Variants in PDE1C observed in about 807,000 individuals in gnomAD.
PDE1C encodes phosphodiesterase 1C.
PDE1C carries 62 observed loss-of-function variants against 93.1 expected under a neutral mutation model. The observed-to-expected ratio is 0.67, with a 90% CI of 0.54 to 0.82. The LOEUF is 0.82. Ranked by LOEUF, PDE1C falls within the 40% of genes least tolerant of loss-of-function variation. PDE1C has a pLI of 0.00. For synonymous variants in PDE1C, 325 were observed against 310.1 expected, an observed-to-expected ratio of 1.05 and a Z score of -0.50; for missense variants, 742 against 884.6, an observed-to-expected ratio of 0.84 and a Z score of 2.04.
intron 2 of PDE1C, among the ~76,000 whole-genome samples, chr7:31,942,935 G>A (rs1379264349): frequency 6.6e-6 from 1 of 151,952 alleles, no homozygotes; most frequent in African/African-American, 2.4e-5. Flanking sequence ...GTACCACATG[G>A]GCTACTAGAG....
chr7:32,213,217 T>C (rs1806180791), intron 1 of PDE1C, among the ~76,000 whole-genome samples: 1 of 152,154 alleles, frequency 6.6e-6, no homozygotes, highest in Admixed American at 6.5e-5. Flanking sequence ...TCAGCCCACA[T>C]TTAAAAACCA....
chr7:32,416,956 G>C (rs1785287089), intron 1 of PDE1C, among the ~76,000 whole-genome samples: 1 of 152,162 alleles, frequency 6.6e-6, no homozygotes, highest in South Asian at 2.1e-4. Context: ...GAGGCCCAGA[G>C]TACCGCCACA....
At chr7:32,246,609 T>C (rs1304665192) in intron 1 of PDE1C, among the ~76,000 whole-genome samples, 2 of 152,168 alleles carry the variant, frequency 1.3e-5, no homozygotes, top group African/African-American at 4.8e-5. Context: ...ATCCCTATGA[T>C]GTTCTTTACT....
At chr7:32,304,792 GACTT>G (rs1812957795) in intron 1 of PDE1C, among the ~76,000 whole-genome samples, 1 of 151,884 alleles carries the variant, frequency 6.6e-6, no homozygotes, top group African/African-American at 2.4e-5. Flanking sequence ...GTATGTAAAA[GACTT>G]ACCCTGGACT....
intron 1 of PDE1C, among the ~76,000 whole-genome samples, chr7:32,322,882 G>A (rs1234293731): frequency 6.6e-6 from 1 of 152,060 alleles, no homozygotes; most frequent in African/African-American, 2.4e-5. Flanking sequence ...AAAGTGCTGG[G>A]ATTACAGGCG....
At position 31,752,514 on chromosome 7, in the gene PDE1C, T is replaced by C. The variant is rs1269384428; in HGVS notation, c.*870A>G. ...CAATCTGAAAATAAAGAATTTAAACTAGGCTCAGAATTTTACACCCTCTTG... is the reference window on the plus strand; with the variant it reads ...CAATCTGAAAATAAAGAATTTAAACCAGGCTCAGAATTTTACACCCTCTTG... On this transcript the variant is annotated 3_prime_UTR_variant, in exon 18 of 18. Transcript: ENST00000396191. The C allele has an allele frequency of 6.6e-6, 1 of 152,144 alleles. No homozygotes were observed. The highest frequency in any genetic ancestry group is 2.4e-5 in the African/African-American group (1 of 41,456). The allele number at this position is 152,144 out of a possible 1,614,324, so 9.4% of individuals were successfully genotyped here.
At chr7:32,000,940 A>G (rs1785377685) in intron 2 of PDE1C, among the ~76,000 whole-genome samples, 1 of 152,204 alleles carries the variant, frequency 6.6e-6, no homozygotes, top group Non-Finnish European at 1.5e-5. Context: ...TCAAAAATAA[A>G]AAGGTCGAGA....
At chr7:31,703,413 C>G in the PDE1C span, among the ~76,000 whole-genome samples, 1 of 152,122 alleles carries the variant, frequency 6.6e-6, no homozygotes, top group Admixed American at 6.5e-5. Flanking sequence ...AAATGTTTAT[C>G]AAACAACACA....
chr7:31,879,750 G>A (rs1797018334), intron 3 of PDE1C, among the ~76,000 whole-genome samples: 1 of 152,178 alleles, frequency 6.6e-6, no homozygotes, highest in Admixed American at 6.5e-5. Context: ...TCTAATAGCT[G>A]TGTTTTGCTG....
At chr7:32,131,546 T>C (rs908710167) in intron 3 of PDE1C, among the ~76,000 whole-genome samples, 8 of 152,132 alleles carry the variant, frequency 5.3e-5, no homozygotes, top group African/African-American at 1.7e-4. Flanking sequence ...GATGAAACCA[T>C]CTCATTAGAG....
intron 1 of PDE1C, among the ~76,000 whole-genome samples, chr7:32,211,967 A>G (rs1806065762): frequency 6.8e-6 from 1 of 148,090 alleles, no homozygotes; most frequent in Admixed American, 6.8e-5. Context: ...TTGAGGCTGC[A>G]GTGAGCTGTG....
chr7:31,732,762 C>T, the PDE1C span, among the ~76,000 whole-genome samples: 1 of 151,392 alleles, frequency 6.6e-6, no homozygotes, highest in African/African-American at 2.4e-5. Flanking sequence ...GTCTGCTTTA[C>T]ATTTAACCGT....
intron 1 of PDE1C, among the ~76,000 whole-genome samples, chr7:32,383,063 C>T (rs917149111): frequency 2.6e-5 from 4 of 152,216 alleles, no homozygotes; most frequent in Non-Finnish European, 2.9e-5. Context: ...AACATTAGGG[C>T]ATCTCAGGAC....
chr7:31,968,992 G>A (rs4499991), intron 2 of PDE1C, among the ~76,000 whole-genome samples: 106,280 of 152,026 alleles, frequency 0.7, 37,875 homozygotes, highest in African/African-American at 0.84. Context: ...AAGATGGATT[G>A]AAGACTTAAA....
At chr7:32,072,849 T>C (rs1796141450), upstream of PDE1C, among the ~76,000 whole-genome samples, 1 of 152,184 alleles carries the variant, frequency 6.6e-6, no homozygotes. Flanking sequence ...CCTATACAAA[T>C]ACATCCCCCT....
chr7:32,004,523 G>A (rs7795960), intron 2 of PDE1C, among the ~76,000 whole-genome samples: 1,803 of 152,244 alleles, frequency 0.012, 44 homozygotes, highest in African/African-American at 0.042. Flanking sequence ...GAGTCCTGGG[G>A]GTTGTGCAAG....
chr7:32,027,259 TG>T (rs1376327559), intron 2 of PDE1C, among the ~76,000 whole-genome samples: 1 of 152,028 alleles, frequency 6.6e-6, no homozygotes, highest in African/African-American at 2.4e-5. Context: ...GCTGCACATG[TG>T]GGGATGGGGG....
intron 15 of PDE1C, among the ~76,000 whole-genome samples, chr7:31,812,737 T>C (rs1583436725): frequency 6.6e-6 from 1 of 152,256 alleles, no homozygotes; most frequent in Non-Finnish European, 1.5e-5. Context: ...ATCTTGTCCC[T>C]TATAGAAAAA....
upstream of PDE1C, among the ~76,000 whole-genome samples, chr7:32,300,192 C>A (rs1812848253): frequency 6.6e-6 from 1 of 152,190 alleles, no homozygotes; most frequent in African/African-American, 2.4e-5. Context: ...CAGGTTAATG[C>A]ATGTCCCAGG....
Sources: gnomAD v4.1 joint callset for allele counts (sites outside exome capture counted in the v4.1 genomes callset) on GRCh38, gnomAD v4.1.1 for gene constraint, MANE v1.5 for transcripts, NCBI Gene and HGNC (gene_info 2026-07-23, HGNC 2026-07-21) for gene names.